Variants in ARFGAP1 observed in about 807,000 individuals in gnomAD.
The protein encoded by ARFGAP1 is ARF GTPase activating protein 1, also known as ADP-ribosylation factor GTPase-activating protein 1.
ARFGAP1 carries 26 observed loss-of-function variants against 54.0 expected under a neutral mutation model. The observed-to-expected ratio is 0.48, with a 90% CI of 0.35 to 0.67. The LOEUF is 0.67. ARFGAP1 is among the 30% of genes least tolerant of loss of function. The pLI is 0.00. For synonymous variants in ARFGAP1, 248 were observed against 211.9 expected, an observed-to-expected ratio of 1.17 and a Z score of -1.48; for missense variants, 525 against 535.8, an observed-to-expected ratio of 0.98 and a Z score of 0.20.
In ARFGAP1 at chr20:63,276,582, G is replaced by A; in HGVS notation, c.273G>A (p.Glu91=). 6.2e-7 allele frequency: 1 copy of A among 1,614,028 alleles called. No homozygotes were observed. The change falls in exon 4 of 13, where the codon GAG becomes GAA. Residue 91 remains glutamate, a synonymous_variant. Transcript: ENST00000370283. The surrounding 1 kb of genome is among the most constrained non-coding windows in gnomAD (Gnocchi z 5.2). ...AKFREFLESQ[E]DYDPCWSLQE... The stretch of plus-strand genomic sequence containing the variant: ...TCCGAGAGTTCCTGGAGTCTCAGGA[G>A]GATTACGATCCTTGCTGGTCCTTGC...
At chr20:63,273,600 C>T (rs1009405274) in intron 1 of ARFGAP1, 5 of 152,312 alleles carry the variant, frequency 3.3e-5, no homozygotes, top group African/African-American at 9.6e-5. Context: ...TAGAGGAGTT[C>T]CTCTTAAATC....
At chr20:63,284,835 C>A in intron 9 of ARFGAP1, 31 bp from the exon 10 acceptor site, 1 of 1,611,106 alleles carries the variant, frequency 6.2e-7, no homozygotes, top group South Asian at 1.1e-5. Flanking sequence ...GTGGAGCTGT[C>A]GTGGGGCTCA....
chr20:63,284,892 C>G lies in ARFGAP1; in HGVS notation c.744C>G (p.Asn248Lys). 1 of 1,613,182 alleles carries G rather than the reference C, an allele frequency of 6.2e-7. No individual in the cohort carries two copies. Residue 248 changes from asparagine (N) to lysine (K), a missense_variant, in exon 10 of 13, where the codon AAC (asparagine) becomes AAG (lysine). Around this residue, in one of 3 missense-constraint regions of ARFGAP1, gnomAD observed 466 missense variants for 453.6 expected, o/e 1.03. Transcript: ENST00000370283. ...QKASELGHSL[N>K]ENVLKPAQEK... ...CGTCCGAGCTGGGCCACAGCCTGAA[C>G]GAGAACGTCCTCAAGCCTGCGCAGG...
rs190120768 is a variant in ARFGAP1 at position 63,289,096 on chromosome 20, C to T, written c.*1223C>T. The T allele has an allele frequency of 1.6e-3, 248 of 155,954 alleles. No individual in the cohort carries two copies. Among genetic ancestry groups the T allele is most frequent in the African/African-American group, 5.1e-3 (213 of 41,630 alleles). 9.7% of individuals were successfully genotyped at this position (155,954 alleles called of 1,614,324 possible). On this transcript the variant is annotated 3_prime_UTR_variant, in exon 13 of 13. Transcript: ENST00000370283. Reference sequence around the variant, plus strand: ...GATTTCAGCGAGCCCTCCTGGCGCCCGGTCCTCCCTGTGGGCACCAGCCCT... The same window carrying T: ...GATTTCAGCGAGCCCTCCTGGCGCCTGGTCCTCCCTGTGGGCACCAGCCCT...
chr20:63,282,618 A>G (rs138362743), intron 8 of ARFGAP1, among the ~76,000 whole-genome samples: 1 of 152,244 alleles, frequency 6.6e-6, no homozygotes, highest in Non-Finnish European at 1.5e-5. Context: ...GCCTCCCTCT[A>G]GGGAGAGGCC....
At chr20:63,277,128 G>T in intron 4 of ARFGAP1, 77 bp from the exon 5 acceptor site, 10 of 1,294,118 alleles carry the variant, frequency 7.7e-6, no homozygotes, top group Non-Finnish European at 1.1e-5. Context: ...GCCGTGGGGG[G>T]TGCGCTGGAG....
At position 63,288,715 on chromosome 20, in the gene ARFGAP1, C is replaced by G. The variant is rs1367709009; in HGVS notation, c.*842C>G. On this transcript the variant is annotated 3_prime_UTR_variant, in exon 13 of 13. Transcript: ENST00000370283. ...GGATGCCTGTGCGTGGTGCCTGGGTCTAGGGAAGCTCCAGCCCCAGGATGG... is the reference window on the plus strand; with the variant it reads ...GGATGCCTGTGCGTGGTGCCTGGGTGTAGGGAAGCTCCAGCCCCAGGATGG... The G allele has an allele frequency of 2.8e-6, 1 of 353,486 alleles. No individual in the cohort carries two copies. The highest frequency in any genetic ancestry group is 5.6e-6 in the Non-Finnish European group (1 of 177,682). 21.9% of individuals were successfully genotyped at this position (353,486 alleles called of 1,614,324 possible). A position where few individuals can be genotyped will look rare whatever the true frequency, so the allele number is the denominator to read the frequency against.
At chr20:63,286,828 T>G (rs2067567298) in intron 12 of ARFGAP1, 2 of 225,578 alleles carry the variant, frequency 8.9e-6, no homozygotes, top group South Asian at 8.2e-5. Flanking sequence ...TGTTCCTCTG[T>G]CTCCCAGACT....
intron 9 of ARFGAP1, chr20:63,283,738 C>T (rs1479366312): frequency 9.5e-6 from 11 of 1,163,712 alleles, no homozygotes; most frequent in South Asian, 7.0e-5. Flanking sequence ...AGAGCCTGCC[C>T]GGTGCTGCCT....
chr20:63,288,903 T>G lies in ARFGAP1; in HGVS notation c.*1030T>G, dbSNP rs2123339753. The G allele has an allele frequency of 4.0e-6, 1 of 248,070 alleles. No homozygotes were observed. The highest frequency in any genetic ancestry group is 2.2e-5 in the African/African-American group (1 of 45,640). The allele number at this position is 248,070 out of a possible 1,614,324, so 15.4% of individuals were successfully genotyped here. On this transcript the variant is annotated 3_prime_UTR_variant, in exon 13 of 13. Transcript: ENST00000370283. The stretch of plus-strand genomic sequence containing the variant: ...AAGCTCGTGCAGTTTGTACGTGAGG[T>G]GCTCTCCTCCCTGCCACCATGCTCA...
chr20:63,279,060 A>G, intron 7 of ARFGAP1, 65 bp downstream of exon 7: 2 of 1,505,860 alleles, frequency 1.3e-6, no homozygotes, highest in Admixed American at 3.4e-5. Flanking sequence ...ACGACGGGCC[A>G]TAGTGGGCAG....
At chr20:63,279,654 G>C (rs75047314) in intron 7 of ARFGAP1, among the ~76,000 whole-genome samples, 8,571 of 152,216 alleles carry the variant, frequency 0.056, 325 homozygotes, top group Middle Eastern at 0.11. Context: ...TCTGTGCTTG[G>C]GTCTCTGGCA....
At chr20:63,280,342 A>G (rs1004167645) in intron 7 of ARFGAP1, among the ~76,000 whole-genome samples, 9 of 152,146 alleles carry the variant, frequency 5.9e-5, no homozygotes, top group Admixed American at 5.9e-4. Flanking sequence ...CAGTGGCATA[A>G]TCATAGCTCA....
chr20:63,284,953 G>A (rs755227399), intron 10 of ARFGAP1, 31 bp downstream of exon 10: 1 of 1,612,116 alleles, frequency 6.2e-7, no homozygotes, highest in East Asian at 2.2e-5. Context: ...GTTGTGCCTG[G>A]AGCCCTTCAC....
chr20:63,276,080 C>A lies in ARFGAP1; in HGVS notation c.61-11C>A. The A allele has an allele frequency of 1.9e-6, 3 of 1,613,082 alleles. No individual in the cohort carries two copies. Among genetic ancestry groups the A allele is most frequent in the South Asian group, 1.1e-5 (1 of 91,080 alleles). Reference sequence around the variant, plus strand: ...GAGCCACCTGGTGAGTCACTTGTGGCCCCTTTGCAGGTTTGTTTTGAGTGT... The same window carrying A: ...GAGCCACCTGGTGAGTCACTTGTGGACCCTTTGCAGGTTTGTTTTGAGTGT... On this transcript the variant is annotated splice_polypyrimidine_tract_variant and intron_variant, in intron 2 of 12. Transcript: ENST00000370283. This position sits in a 1 kb window ranked among gnomAD's most constrained non-coding sequence, Gnocchi z 5.2.
At chr20:63,286,469 G>A (rs1428442821) in intron 12 of ARFGAP1, 27 bp downstream of exon 12, 1 of 1,604,808 alleles carries the variant, frequency 6.2e-7, no homozygotes. Flanking sequence ...CCTGGGCCTT[G>A]CATCCCACTC....
chr20:63,283,725 C>G, intron 9 of ARFGAP1: 1 of 1,034,276 alleles, frequency 9.7e-7, no homozygotes, highest in Non-Finnish European at 1.4e-6. Flanking sequence ...GGTTGTGTTG[C>G]TGAGAGCCTG....
rs566653004 is a variant in ARFGAP1 at position 63,286,108 on chromosome 20, C to A, written c.835-258C>A. 2,090 of 1,549,414 alleles carry A rather than the reference C, an allele frequency of 1.3e-3. 4 individuals are homozygous for A. Among genetic ancestry groups the A allele is most frequent in the Non-Finnish European group, 1.7e-3 (1,936 of 1,146,496 alleles). On this transcript the variant is annotated intron_variant, in intron 11 of 12. Transcript: ENST00000370283. ...GGAGGGAAGAGCAGGCCTCGCTCCT[C>A]CCCCCCAAGCATGTGGTGGGAGCTC...
chr20:63,282,759 G>A, intron 8 of ARFGAP1, 60 bp from the exon 9 acceptor site: 2 of 1,590,120 alleles, frequency 1.3e-6, no homozygotes, highest in South Asian at 1.1e-5. Flanking sequence ...GGGCCCTGAG[G>A]AAGGATGCCT....
Sources: gnomAD v4.1 joint callset for allele counts (sites outside exome capture counted in the v4.1 genomes callset) on GRCh38, gnomAD v4.1.1 for gene constraint, gnomAD v4.1.1 regional missense constraint, Gnocchi (gnomAD v3.1) non-coding constraint, MANE v1.5 for transcripts, NCBI Gene and HGNC (gene_info 2026-07-23, HGNC 2026-07-21) for gene names.